ARHGEF7: variants seen among roughly 807,000 people sequenced by gnomAD.
The protein encoded by ARHGEF7 is PAK-interacting exchange factor beta.
ARHGEF7 carries 33 observed loss-of-function variants against 109.8 expected under a neutral mutation model. The ratio of observed to expected loss-of-function variants is 0.30; its 90% confidence interval spans 0.23 to 0.40. The LOEUF is 0.40. ARHGEF7 is among the 10% of genes least tolerant of loss of function. ARHGEF7 has a pLI of 1.00. For synonymous variants in ARHGEF7, 458 were observed against 424.6 expected (o/e 1.08, Z -0.97); for missense variants, 938 against 1,098.5 (o/e 0.85, Z 2.07).
chr13:111,157,886 T>A (rs1472048965), intron 2 of ARHGEF7, among the ~76,000 whole-genome samples: 1 of 152,210 alleles, frequency 6.6e-6, no homozygotes, highest in African/African-American at 2.4e-5. Context: ...TGATTAGGCA[T>A]CTGACAACTA....
intron 2 of ARHGEF7, among the ~76,000 whole-genome samples, chr13:111,197,920 G>A (rs2080736619): frequency 6.6e-6 from 1 of 152,210 alleles, no homozygotes; most frequent in Admixed American, 6.5e-5. Context: ...TTAGGACCCA[G>A]GAGGCAAGGG....
intron 3 of ARHGEF7, among the ~76,000 whole-genome samples, chr13:111,206,438 C>T (rs933599367): frequency 2.0e-5 from 3 of 152,104 alleles, no homozygotes; most frequent in Admixed American, 6.5e-5. Flanking sequence ...GAGGCACTGG[C>T]CCCCATCCCT....
chr13:111,178,577 G>A (rs2153426089), intron 2 of ARHGEF7, among the ~76,000 whole-genome samples: 1 of 152,332 alleles, frequency 6.6e-6, no homozygotes, highest in Non-Finnish European at 1.5e-5. Context: ...AAAAAATGCT[G>A]ACCCCAGCAT....
intron 1 of ARHGEF7, among the ~76,000 whole-genome samples, chr13:111,146,778 T>A (rs1187791040): frequency 6.6e-6 from 1 of 152,198 alleles, no homozygotes; most frequent in East Asian, 1.9e-4. Flanking sequence ...CTGGAGTAGT[T>A]GGTAAGGACT....
At position 111,228,015 on chromosome 13, in the gene ARHGEF7, A is replaced by T. The variant is rs1169642064; in HGVS notation, c.671-5190A>T. Among the ~76,000 whole-genome samples the T allele has an allele frequency of 6.6e-6, 1 of 152,232 alleles. No homozygotes were observed. The highest frequency in any genetic ancestry group is 2.4e-5 in the African/African-American group (1 of 41,462). ...TTACTTTGGTGAGCACTGTTGTGGA[A>T]ACTGAGAAACACAGCAGTGGGAAAA... On this transcript the variant is annotated intron_variant, in intron 5 of 21. Transcript: ENST00000646102. This position sits in a 1 kb window ranked among gnomAD's most constrained non-coding sequence, Gnocchi z 4.6.
chr13:111,248,841 T>C (rs2089324211), intron 8 of ARHGEF7, among the ~76,000 whole-genome samples: 1 of 152,230 alleles, frequency 6.6e-6, no homozygotes, highest in Non-Finnish European at 1.5e-5. Context: ...GGGTTACGTC[T>C]TCATGATTCT....
At chr13:111,124,969 A>C (rs1445338113) in intron 1 of ARHGEF7, among the ~76,000 whole-genome samples, 1 of 152,170 alleles carries the variant, frequency 6.6e-6, no homozygotes, top group Admixed American at 6.5e-5. Flanking sequence ...CATGTTGGCC[A>C]GGCTGGTCTC....
At chr13:111,301,638 A>C in intron 21 of ARHGEF7, 106 bp downstream of exon 21, 1 of 894,132 alleles carries the variant, frequency 1.1e-6, no homozygotes, top group Non-Finnish European at 1.7e-6. Context: ...CACACCTATA[A>C]TCCCAGCACT....
At chr13:111,156,599 C>G (rs926205886) in intron 2 of ARHGEF7, among the ~76,000 whole-genome samples, 8 of 152,236 alleles carry the variant, frequency 5.3e-5, no homozygotes, top group African/African-American at 1.9e-4. Flanking sequence ...GGCTTCCAGC[C>G]TTGTAAGGTG....
intron 5 of ARHGEF7, among the ~76,000 whole-genome samples, chr13:111,229,494 G>A (rs1041548933): frequency 9.2e-5 from 14 of 151,974 alleles, no homozygotes; most frequent in South Asian, 2.1e-4. Flanking sequence ...TTTTTTATTC[G>A]TCGTGATTGG....
chr13:111,265,047 C>T (rs968932117), intron 8 of ARHGEF7, among the ~76,000 whole-genome samples: 3 of 143,354 alleles, frequency 2.1e-5, no homozygotes, highest in Non-Finnish European at 3.0e-5. Context: ...TCGCTTGAAC[C>T]GGGAAGGCGG....
intron 1 of ARHGEF7, among the ~76,000 whole-genome samples, chr13:111,119,095 T>G (rs2066997433): frequency 6.6e-6 from 1 of 152,204 alleles, no homozygotes; most frequent in Non-Finnish European, 1.5e-5. Context: ...CTCTCAGGCT[T>G]CTGGTAGTTC....
intron 5 of ARHGEF7, 39 bp downstream of exon 5, chr13:111,217,919 A>G (rs574267143): frequency 2.6e-6 from 4 of 1,559,952 alleles, no homozygotes; most frequent in South Asian, 1.2e-5. Context: ...GCTTTTTGCG[A>G]TGAGCAGAAA....
intron 2 of ARHGEF7, among the ~76,000 whole-genome samples, chr13:111,158,380 C>T (rs1224863032): frequency 2.0e-5 from 3 of 152,212 alleles, no homozygotes; most frequent in African/African-American, 7.2e-5. Context: ...AAGGAAACCA[C>T]AGCTCTTTCT....
At chr13:111,173,014 G>A (rs1432113980) in intron 2 of ARHGEF7, among the ~76,000 whole-genome samples, 3 of 152,208 alleles carry the variant, frequency 2.0e-5, no homozygotes, top group Non-Finnish European at 1.5e-5. Context: ...AATAAAAACT[G>A]CAGAAAAGTA....
intron 8 of ARHGEF7, among the ~76,000 whole-genome samples, chr13:111,247,425 T>G (rs983324056): frequency 6.6e-6 from 1 of 152,046 alleles, no homozygotes; most frequent in South Asian, 2.1e-4. Flanking sequence ...TGCGCCACCA[T>G]GCCCAGCTAA....
intron 1 of ARHGEF7, among the ~76,000 whole-genome samples, chr13:111,124,237 A>G (rs1594816763): frequency 6.6e-6 from 1 of 151,454 alleles, no homozygotes; most frequent in East Asian, 1.9e-4. Context: ...CTTTTTTTCC[A>G]TGTTGGAGAT....
At chr13:111,288,286 C>A in intron 17 of ARHGEF7, 68 bp from the exon 18 acceptor site, 1 of 981,114 alleles carries the variant, frequency 1.0e-6, no homozygotes, top group Non-Finnish European at 1.6e-6. Flanking sequence ...GTCTGCATTG[C>A]ATTCGTCTCG....
intron 4 of ARHGEF7, among the ~76,000 whole-genome samples, chr13:111,210,677 C>T (rs2082385794): frequency 1.3e-5 from 2 of 152,192 alleles, no homozygotes; most frequent in Admixed American, 1.3e-4. Flanking sequence ...TGGGGCAGAG[C>T]CAGGGCTGCC....
Sources: gnomAD v4.1 joint callset for allele counts (sites outside exome capture counted in the v4.1 genomes callset) on GRCh38, gnomAD v4.1.1 for gene constraint, Gnocchi (gnomAD v3.1) non-coding constraint, MANE v1.5 for transcripts, NCBI Gene and HGNC (gene_info 2026-07-23, HGNC 2026-07-21) for gene names.